Variants in SMAP1 observed in about 807,000 individuals in gnomAD.
SMAP1 encodes the protein stromal membrane-associated protein 1.
SMAP1 carries 24 observed loss-of-function variants against 58.5 expected under a neutral mutation model. The observed-to-expected ratio is 0.41, with a 90% CI of 0.30 to 0.58. SMAP1 has a LOEUF of 0.58. Among genes scored for constraint, SMAP1 ranks in the 20% least tolerant of loss-of-function variants. The pLI is 0.29. For missense variants in SMAP1, 563 were observed against 566.3 expected, an observed-to-expected ratio of 0.99 and a Z score of 0.06; for synonymous variants, 216 against 196.6, an observed-to-expected ratio of 1.10 and a Z score of -0.82.
At position 70,741,121 on chromosome 6, in the gene SMAP1, T is replaced by G. The variant is rs1049559566; in HGVS notation, c.252+8610T>G. 6.8e-4 allele frequency among the ~76,000 whole-genome samples: 103 copies of G among 152,078 alleles called. 1 individual carries two copies. The highest frequency in any genetic ancestry group is 1.6e-4 in the Non-Finnish European group (11 of 68,002). On this transcript the variant is annotated intron_variant, in intron 2 of 10. Transcript: ENST00000370455. Reference sequence around the variant, plus strand: ...ACCATACCATTCCACCCTTGGCCCCTCCCAAATCTCATGCCCTTACCTTGC... The same window carrying G: ...ACCATACCATTCCACCCTTGGCCCCGCCCAAATCTCATGCCCTTACCTTGC...
intron 4 of SMAP1, among the ~76,000 whole-genome samples, chr6:70,777,675 T>A (rs1441021570): frequency 6.6e-6 from 1 of 152,120 alleles, no homozygotes; most frequent in South Asian, 2.1e-4. Context: ...ATTCATAAGA[T>A]CTTTGCCTAG....
intron 3 of SMAP1, among the ~76,000 whole-genome samples, chr6:70,772,390 C>T (rs538952128): frequency 6.6e-6 from 1 of 152,152 alleles, no homozygotes; most frequent in South Asian, 2.1e-4. Flanking sequence ...GAATGATCCC[C>T]TTAACTTGGG....
At chr6:70,701,268 A>C (rs897589154) in intron 1 of SMAP1, among the ~76,000 whole-genome samples, 6 of 151,866 alleles carry the variant, frequency 4.0e-5, no homozygotes, top group African/African-American at 1.5e-4. Context: ...TTTTTGGTAG[A>C]GATGGGTTTT....
intron 3 of SMAP1, among the ~76,000 whole-genome samples, chr6:70,759,401 C>T (rs1378392738): frequency 6.6e-6 from 1 of 151,940 alleles, no homozygotes; most frequent in African/African-American, 2.4e-5. Flanking sequence ...TTAGGTGTCC[C>T]TTGAATATAA....
At chr6:70,821,572 T>C (rs570241276) in intron 6 of SMAP1, among the ~76,000 whole-genome samples, 16 of 152,312 alleles carry the variant, frequency 1.1e-4, no homozygotes, top group African/African-American at 3.6e-4. Context: ...TGAAAAAATA[T>C]TGACTACTAC....
At chr6:70,694,329 T>G (rs1003129125) in intron 1 of SMAP1, 4 of 165,484 alleles carry the variant, frequency 2.4e-5, no homozygotes, top group Non-Finnish European at 3.9e-5. Context: ...TTGATCTCCT[T>G]CTGGCCATCC....
chr6:70,859,232 A>G (rs3734371), intron 10 of SMAP1: 143,806 of 753,656 alleles, frequency 0.19, 15,722 homozygotes, highest in East Asian at 0.32. Context: ...TGTATGTGCT[A>G]AGTGTCAGTC....
intron 1 of SMAP1, among the ~76,000 whole-genome samples, chr6:70,697,184 A>G (rs1767438569): frequency 1.3e-5 from 2 of 151,338 alleles, no homozygotes; most frequent in South Asian, 4.2e-4. Flanking sequence ...CCGTTTAGCC[A>G]CTCTTTGTCT....
chr6:70,773,221 T>C lies in SMAP1; in HGVS notation c.339-129T>C, dbSNP rs997247070. ...TTACAGAATGTAGTTGCAGAAATAA[T>C]GTGAAAGAGAGCACAGATTGAGGAG... On this transcript the variant is annotated intron_variant, in intron 3 of 10. Transcript: ENST00000370455. The C allele has an allele frequency of 1.5e-5, 9 of 583,408 alleles. No homozygotes were observed. In the African/African-American group the frequency reaches 1.6e-4, roughly 10 times the overall value. 36.1% of individuals were successfully genotyped at this position (583,408 alleles called of 1,614,324 possible). A position where few individuals can be genotyped will look rare whatever the true frequency, so the allele number is the denominator to read the frequency against.
chr6:70,728,382 C>T (rs1023023050), intron 1 of SMAP1, among the ~76,000 whole-genome samples: 1 of 152,170 alleles, frequency 6.6e-6, no homozygotes, highest in African/African-American at 2.4e-5. Flanking sequence ...GCCTTTATTA[C>T]TTAAAGGAAG....
At position 70,710,440 on chromosome 6, in the gene SMAP1, C is replaced by T. The variant is rs533997611; in HGVS notation, c.119-21938C>T. 3.2e-4 allele frequency among the ~76,000 whole-genome samples: 46 copies of T among 143,232 alleles called. No individual in the cohort carries two copies. The Middle Eastern group carries it at 0.015, about 45-fold the overall frequency. 94.0% of individuals were successfully genotyped at this position (143,232 alleles called of 152,430 possible). A position where few individuals can be genotyped will look rare whatever the true frequency, so the allele number is the denominator to read the frequency against. ...CGAGATTGCGTAGGTTGCAGTGAGC[C>T]GAGATTGCGTCACTGCACACTCCAG... On this transcript the variant is annotated intron_variant, in intron 1 of 10. Coordinates refer to ENST00000370455, the MANE Select transcript of SMAP1 (RefSeq NM_001044305.3).
At chr6:70,837,155 A>G in intron 7 of SMAP1, 127 bp downstream of exon 7, 2 of 610,352 alleles carry the variant, frequency 3.3e-6, no homozygotes, top group East Asian at 6.7e-5. Flanking sequence ...TGAAAATGGT[A>G]TGATTAGTTT....
intron 4 of SMAP1, among the ~76,000 whole-genome samples, chr6:70,784,258 A>G (rs1194614450): frequency 2.0e-5 from 3 of 152,154 alleles, no homozygotes; most frequent in Non-Finnish European, 1.5e-5. Flanking sequence ...ATGCTGAGAG[A>G]TTTTGTCACC....
chr6:70,829,725 A>T (rs1209156635), intron 6 of SMAP1, among the ~76,000 whole-genome samples: 1 of 152,236 alleles, frequency 6.6e-6, no homozygotes, highest in Non-Finnish European at 1.5e-5. Context: ...AAATAAACTA[A>T]GTTATAATTT....
chr6:70,672,762 A>C (rs1197640321), intron 1 of SMAP1, among the ~76,000 whole-genome samples: 1 of 152,144 alleles, frequency 6.6e-6, no homozygotes, highest in Non-Finnish European at 1.5e-5. Context: ...AGGGAGTGGC[A>C]TGTGGAGTGA....
chr6:70,775,358 A>C (rs1276017952), intron 4 of SMAP1, among the ~76,000 whole-genome samples: 1 of 152,138 alleles, frequency 6.6e-6, no homozygotes, highest in African/African-American at 2.4e-5. Context: ...AATAATTAGG[A>C]AATTATTTTT....
chr6:70,811,912 T>A (rs1195947846), intron 6 of SMAP1, among the ~76,000 whole-genome samples: 1 of 152,192 alleles, frequency 6.6e-6, no homozygotes, highest in South Asian at 2.1e-4. Flanking sequence ...TTGTATATAC[T>A]ATGATTTTGA....
intron 3 of SMAP1, among the ~76,000 whole-genome samples, chr6:70,762,042 G>T (rs934448487): frequency 6.6e-6 from 1 of 152,078 alleles, no homozygotes; most frequent in African/African-American, 2.4e-5. Flanking sequence ...TACTGGAAAT[G>T]AGGCTGTACA....
chr6:70,760,270 T>C (rs1766694850), intron 3 of SMAP1, among the ~76,000 whole-genome samples: 1 of 152,140 alleles, frequency 6.6e-6, no homozygotes, highest in African/African-American at 2.4e-5. Flanking sequence ...TGTTGTTACC[T>C]CAGTCATTCT....
Sources: allele counts gnomAD v4.1 joint callset (sites outside exome capture counted in the v4.1 genomes callset), GRCh38; gene constraint gnomAD v4.1.1; transcripts MANE v1.5; gene names NCBI Gene and HGNC (gene_info 2026-07-23, HGNC 2026-07-21).